Variants in NEK7 observed in about 807,000 individuals in gnomAD.
NEK7 encodes NIMA related kinase 7.
Under a neutral mutation model 44.6 loss-of-function variants are expected in NEK7, and 18 were observed. The observed-to-expected ratio is 0.40, with a 90% CI of 0.28 to 0.60. The LOEUF is 0.60. Ranked by LOEUF, NEK7 falls within the 20% of genes least tolerant of loss-of-function variation. The pLI is 0.38. For missense variants in NEK7, 256 were observed against 366.5 expected (o/e 0.70, Z 2.46); for synonymous variants, 130 against 121.1 (o/e 1.07, Z -0.48).
At chr1:198,165,392 G>T (rs1274949466) in intron 1 of NEK7, among the ~76,000 whole-genome samples, 1 of 152,216 alleles carries the variant, frequency 6.6e-6, no homozygotes, top group Non-Finnish European at 1.5e-5. Flanking sequence ...TCTTAGATAA[G>T]AAGACTTGAA....
At chr1:198,269,759 A>G (rs1653778530) in intron 5 of NEK7, among the ~76,000 whole-genome samples, 2 of 152,100 alleles carry the variant, frequency 1.3e-5, no homozygotes. Flanking sequence ...GCTGACAAAT[A>G]TAATTAAGCA....
chr1:198,186,668 CAT>C (rs1664935521), intron 1 of NEK7, among the ~76,000 whole-genome samples: 1 of 152,154 alleles, frequency 6.6e-6, no homozygotes, highest in South Asian at 2.1e-4. Context: ...CTCAAATTTT[CAT>C]ATGAGTATAC....
chr1:198,312,059 A>G (rs1371634175), intron 9 of NEK7, among the ~76,000 whole-genome samples: 1 of 152,172 alleles, frequency 6.6e-6, no homozygotes, highest in Non-Finnish European at 1.5e-5. Flanking sequence ...CTGTAAATCC[A>G]TCTGGTCCTG....
At chr1:198,213,665 G>A (rs570968288) in intron 1 of NEK7, among the ~76,000 whole-genome samples, 16 of 152,282 alleles carry the variant, frequency 1.1e-4, no homozygotes, top group Admixed American at 3.9e-4. Context: ...TACTGGGTTA[G>A]GAGTGTTACT....
intron 1 of NEK7, among the ~76,000 whole-genome samples, chr1:198,180,912 G>C (rs1664746602): frequency 6.6e-6 from 1 of 151,970 alleles, no homozygotes; most frequent in Non-Finnish European, 1.5e-5. Flanking sequence ...ATAAAATGAT[G>C]CCTTAAATAT....
chr1:198,217,778 T>A (rs1665964227), intron 1 of NEK7, among the ~76,000 whole-genome samples: 2 of 146,562 alleles, frequency 1.4e-5, no homozygotes, highest in Non-Finnish European at 3.0e-5. Context: ...AACACTGCTA[T>A]ACACCAACAA....
At chr1:198,316,066 A>G (rs546749488) in intron 9 of NEK7, among the ~76,000 whole-genome samples, 7 of 152,282 alleles carry the variant, frequency 4.6e-5, no homozygotes, top group African/African-American at 1.7e-4. Context: ...AGGAAGATAA[A>G]CCTCCAAAAG....
intron 1 of NEK7, among the ~76,000 whole-genome samples, chr1:198,192,695 G>C (rs763880465): frequency 5.9e-5 from 9 of 151,994 alleles, no homozygotes; most frequent in Non-Finnish European, 1.3e-4. Context: ...AAATTGAACA[G>C]CCTGCTCCTG....
At chr1:198,282,174 A>G (rs1283608193) in intron 7 of NEK7, among the ~76,000 whole-genome samples, 1 of 151,998 alleles carries the variant, frequency 6.6e-6, no homozygotes, top group Non-Finnish European at 1.5e-5. Context: ...GGACTAAGAG[A>G]TTACACTCTT....
At chr1:198,173,638 T>G (rs1045700219) in intron 1 of NEK7, among the ~76,000 whole-genome samples, 1 of 150,978 alleles carries the variant, frequency 6.6e-6, no homozygotes, top group Non-Finnish European at 1.5e-5. Flanking sequence ...TTATGACACT[T>G]TAGCATTCTT....
chr1:198,268,105 C>T (rs974599493), intron 5 of NEK7, among the ~76,000 whole-genome samples: 2 of 151,678 alleles, frequency 1.3e-5, no homozygotes, highest in South Asian at 2.1e-4. Flanking sequence ...TTCTCTTCTT[C>T]CTGGCCTTTA....
intron 2 of NEK7, among the ~76,000 whole-genome samples, chr1:198,235,200 C>T (rs1052433593): frequency 2.0e-5 from 3 of 152,144 alleles, no homozygotes; most frequent in East Asian, 3.8e-4. Context: ...ATATTGTTGG[C>T]ATATCCATTC....
At chr1:198,177,601 C>A (rs912551061) in intron 1 of NEK7, among the ~76,000 whole-genome samples, 1 of 151,900 alleles carries the variant, frequency 6.6e-6, no homozygotes, top group East Asian at 1.9e-4. Context: ...AGAAGCAAGA[C>A]TAAATACTTG....
At chr1:198,188,081 G>A (rs1289434151) in intron 1 of NEK7, among the ~76,000 whole-genome samples, 1 of 152,166 alleles carries the variant, frequency 6.6e-6, no homozygotes, top group African/African-American at 2.4e-5. Context: ...TCCCATCTGT[G>A]TTTGCTTAGG....
At chr1:198,177,741 C>T (rs945280084) in intron 1 of NEK7, among the ~76,000 whole-genome samples, 1 of 151,960 alleles carries the variant, frequency 6.6e-6, no homozygotes, top group South Asian at 2.1e-4. Flanking sequence ...ATCAGTTCCT[C>T]AGCTAACCTC....
At chr1:198,281,367 C>T (rs998312289) in intron 7 of NEK7, among the ~76,000 whole-genome samples, 1 of 151,954 alleles carries the variant, frequency 6.6e-6, no homozygotes, top group Non-Finnish European at 1.5e-5. Flanking sequence ...ATAGAAAACA[C>T]AGTAGAACTA....
chr1:198,213,496 C>T (rs946430683), intron 1 of NEK7, among the ~76,000 whole-genome samples: 3 of 152,160 alleles, frequency 2.0e-5, no homozygotes, highest in Admixed American at 1.3e-4. Context: ...CATCTGTGGA[C>T]AGCCTTCCTG....
chr1:198,316,765 G>GGA (rs1655382011), intron 9 of NEK7, among the ~76,000 whole-genome samples: 1 of 152,122 alleles, frequency 6.6e-6, no homozygotes, highest in African/African-American at 2.4e-5. Flanking sequence ...ATACTCCATT[G>GGA]GAAACTATTG....
At chr1:198,256,673 A>G (rs1176804133) in intron 3 of NEK7, 1 of 654,312 alleles carries the variant, frequency 1.5e-6, no homozygotes, top group Non-Finnish European at 2.4e-6. Flanking sequence ...TAAGATAAAC[A>G]TAATGAGACT....
Sources: gnomAD v4.1 joint callset for allele counts (sites outside exome capture counted in the v4.1 genomes callset) on GRCh38, gnomAD v4.1.1 for gene constraint, MANE v1.5 for transcripts, NCBI Gene and HGNC (gene_info 2026-07-23, HGNC 2026-07-21) for gene names.